Variants in CCDC60 observed in about 807,000 individuals in gnomAD.
CCDC60 encodes coiled-coil domain-containing protein 60.
A neutral mutation model predicts 63.5 loss-of-function variants in CCDC60; 54 were observed. The ratio of observed to expected loss-of-function variants is 0.85; its 90% CI spans 0.68 to 1.07. CCDC60 has a LOEUF of 1.07. Among genes scored for constraint, CCDC60 ranks in the 50% least tolerant of loss-of-function variants. CCDC60 has a pLI of 0.00. For missense variants in CCDC60, 651 were observed against 684.3 expected, an observed-to-expected ratio of 0.95 and a Z score of 0.54; for synonymous variants, 206 against 238.8, an observed-to-expected ratio of 0.86 and a Z score of 1.27.
At chr12:119,441,562 C>T (rs938143150) in intron 2 of CCDC60, among the ~76,000 whole-genome samples, 4 of 152,192 alleles carry the variant, frequency 2.6e-5, no homozygotes, top group Non-Finnish European at 5.9e-5. Flanking sequence ...TCTCTAACAC[C>T]CCAAAGAAAA....
At chr12:119,379,408 C>T (rs1955986674) in intron 1 of CCDC60, among the ~76,000 whole-genome samples, 1 of 152,190 alleles carries the variant, frequency 6.6e-6, no homozygotes, top group African/African-American at 2.4e-5. Flanking sequence ...GCCTTACTGC[C>T]ATCCATGAAG....
chr12:119,381,590 A>C (rs1439735240), intron 1 of CCDC60, among the ~76,000 whole-genome samples: 1 of 152,136 alleles, frequency 6.6e-6, no homozygotes. Flanking sequence ...ACTGCTCCCT[A>C]CTGTGGCCTT....
At chr12:119,434,481 A>C (rs1314710993) in intron 2 of CCDC60, among the ~76,000 whole-genome samples, 4 of 152,202 alleles carry the variant, frequency 2.6e-5, no homozygotes, top group African/African-American at 7.2e-5. Flanking sequence ...CATTATAATG[A>C]GGTAAAAACA....
intron 1 of CCDC60, among the ~76,000 whole-genome samples, chr12:119,337,849 TGTGTGTG>T (rs1378472493): frequency 3.3e-5 from 5 of 151,884 alleles, no homozygotes; most frequent in Admixed American, 3.3e-4. Context: ...TGTGTGTGTG[TGTGTGTG>T]TGTGTGTGTC....
chr12:119,439,756 C>T (rs1202080033), intron 2 of CCDC60, among the ~76,000 whole-genome samples: 1 of 152,158 alleles, frequency 6.6e-6, no homozygotes, highest in African/African-American at 2.4e-5. Context: ...TCTTAGTGCA[C>T]AGTGATATTT....
chr12:119,497,750 G>GA (rs5801342), intron 5 of CCDC60, among the ~76,000 whole-genome samples: 2,937 of 147,172 alleles, frequency 0.02, 81 homozygotes, highest in African/African-American at 0.065. Context: ...GCTCCAAAGT[G>GA]AAAAAAAAAA....
chr12:119,360,522 C>T (rs1461156677), intron 1 of CCDC60, among the ~76,000 whole-genome samples: 4 of 151,090 alleles, frequency 2.6e-5, no homozygotes, highest in African/African-American at 9.7e-5. Context: ...GGAGGGTCTC[C>T]TCACTTCTCA....
At chr12:119,416,243 G>A (rs139499869) in intron 1 of CCDC60, among the ~76,000 whole-genome samples, 1 of 152,212 alleles carries the variant, frequency 6.6e-6, no homozygotes, top group East Asian at 1.9e-4. Flanking sequence ...GCCGGGCGAG[G>A]TGTTGCATGC....
intron 1 of CCDC60, among the ~76,000 whole-genome samples, chr12:119,393,761 G>C (rs900363218): frequency 1.3e-5 from 2 of 152,190 alleles, no homozygotes; most frequent in Non-Finnish European, 2.9e-5. Context: ...TATCAGTCTG[G>C]AGCTTCCTGC....
chr12:119,467,112 T>A (rs11831734), intron 2 of CCDC60, among the ~76,000 whole-genome samples: 1 of 152,236 alleles, frequency 6.6e-6, no homozygotes, highest in Admixed American at 6.5e-5. Flanking sequence ...GAGCTGCTGC[T>A]CTCAGCACAC....
chr12:119,337,305 G>C (rs183840631), intron 1 of CCDC60, among the ~76,000 whole-genome samples: 7 of 152,336 alleles, frequency 4.6e-5, no homozygotes, highest in African/African-American at 1.2e-4. Flanking sequence ...AAAGAATGAA[G>C]AGGGAAATGA....
intron 2 of CCDC60, among the ~76,000 whole-genome samples, chr12:119,466,646 C>T (rs2136316233): frequency 6.6e-6 from 1 of 152,332 alleles, no homozygotes; most frequent in East Asian, 1.9e-4. Context: ...TTCAAATCAT[C>T]TCCAAATGTG....
In CCDC60 at chr12:119,382,732, G is replaced by T. The variant is rs548251452; in HGVS notation, c.91-45951G>T. Among the ~76,000 whole-genome samples, 4 of 152,324 alleles carry T rather than the reference G, an allele frequency of 2.6e-5. No homozygotes were observed. In the South Asian group the frequency reaches 8.3e-4, roughly 32 times the overall value. On this transcript the variant is annotated intron_variant, in intron 1 of 13. Transcript: ENST00000327554. ...TTTGAAGTCTGTTATGAGGAATTTT[G>T]ACCTTGAGCCTAACTGTGAGGGGAG...
At position 119,414,242 on chromosome 12, in the gene CCDC60, C is replaced by A. The variant is rs117269203; in HGVS notation, c.91-14441C>A. Among the ~76,000 whole-genome samples, 1,477 of 152,266 alleles carry A rather than the reference C, an allele frequency of 9.7e-3. 78 individuals are homozygous for A. The East Asian group carries it at 0.15, about 15-fold the overall frequency. On this transcript the variant is annotated intron_variant, in intron 1 of 13. Transcript: ENST00000327554. ...CCGTGTTGGCCAAGCCGGTCTCTAA[C>A]TCCTGACCTCAAGAGATCTGCCTGC...
chr12:119,367,665 C>T, intron 1 of CCDC60, among the ~76,000 whole-genome samples: 1 of 152,102 alleles, frequency 6.6e-6, no homozygotes, highest in East Asian at 1.9e-4. Flanking sequence ...TATAGCCTAT[C>T]CATACAGTGG....
intron 13 of CCDC60, among the ~76,000 whole-genome samples, chr12:119,531,424 A>G (rs1010593217): frequency 2.6e-5 from 4 of 152,162 alleles, no homozygotes; most frequent in Non-Finnish European, 5.9e-5. Context: ...CAATCTGCCA[A>G]CTCCAAGTTT....
chr12:119,458,999 C>A (rs1002934480), intron 2 of CCDC60, among the ~76,000 whole-genome samples: 4 of 152,130 alleles, frequency 2.6e-5, no homozygotes. Context: ...CCACCTCCGT[C>A]GGCCGCCCAA....
chr12:119,505,371 C>G (rs1252479482), intron 7 of CCDC60, 68 bp downstream of exon 7: 3 of 1,047,396 alleles, frequency 2.9e-6, no homozygotes, highest in Admixed American at 1.9e-5. Flanking sequence ...ATCAAGAAAC[C>G]CTCCTGCCTC....
chr12:119,492,046 G>A (rs1008600637), intron 5 of CCDC60, among the ~76,000 whole-genome samples: 8 of 152,152 alleles, frequency 5.3e-5, no homozygotes, highest in African/African-American at 1.7e-4. Flanking sequence ...TTCTATCAGC[G>A]CTCCGAGGAT....
Sources: allele counts gnomAD v4.1 joint callset (sites outside exome capture counted in the v4.1 genomes callset), GRCh38; gene constraint gnomAD v4.1.1; transcripts MANE v1.5; gene names NCBI Gene and HGNC (gene_info 2026-07-23, HGNC 2026-07-21).